Variants in TRPS1 observed in about 807,000 individuals in gnomAD.
The protein encoded by TRPS1 is zinc finger transcription factor Trps1.
TRPS1 carries 6 observed loss-of-function variants against 101.2 expected under a neutral mutation model. The ratio of observed to expected loss-of-function variants is 0.06; its 90% CI spans 0.03 to 0.12. The LOEUF is 0.12. Ranked by LOEUF, TRPS1 falls within the 10% of genes least tolerant of loss-of-function variation. The pLI is 1.00. For synonymous variants in TRPS1, 578 were observed against 589.8 expected (o/e 0.98, Z 0.29); for missense variants, 1,363 against 1,567.0 (o/e 0.87, Z 2.20).
At chr8:115,578,577 T>C (rs1219491935) in intron 5 of TRPS1, among the ~76,000 whole-genome samples, 1 of 152,000 alleles carries the variant, frequency 6.6e-6, no homozygotes, top group African/African-American at 2.4e-5. Flanking sequence ...AAATGAACAT[T>C]GTGGGATGTA....
chr8:115,442,987 CAG>C (rs1813644893), intron 5 of TRPS1, among the ~76,000 whole-genome samples: 3 of 151,540 alleles, frequency 2.0e-5, no homozygotes, highest in Admixed American at 2.0e-4. Flanking sequence ...TCCCAGCTGC[CAG>C]AGAGGCTGAG....
chr8:115,484,659 A>T (rs1057255085), intron 5 of TRPS1, among the ~76,000 whole-genome samples: 1 of 152,162 alleles, frequency 6.6e-6, no homozygotes, highest in African/African-American at 2.4e-5. Context: ...TTTTTCCTGG[A>T]AATCACACCA....
rs376813799 is a variant in TRPS1 at position 115,414,465 on chromosome 8, G to C, written c.3443C>G (p.Pro1148Arg). The change falls in exon 7 of 7, where the codon CCA (proline) becomes CGA (arginine). Residue 1148 changes from proline to arginine, a missense_variant. Pro to Arg is a moderately radical substitution (Grantham distance 103, BLOSUM62 -2). This residue lies in a region of TRPS1 where 307 missense variants were observed against 392.4 expected (regional missense o/e 0.78). Coordinates refer to ENST00000395715, the MANE Select transcript of TRPS1 (RefSeq NM_014112.5). This position sits in a 1 kb window ranked among gnomAD's most constrained non-coding sequence, Gnocchi z 4.8. ...AGGCACATAGTTTTGGCAAGGATTT[G>C]GTAGGCCAGGCACGTGACTCAAGTA... ...PHYLSHVPGL[P>R]NPCQNYVPYP... 9.3e-6 allele frequency: 15 copies of C among 1,613,946 alleles called. No individual in the cohort carries two copies. Among genetic ancestry groups the C allele is most frequent in the Non-Finnish European group, 1.3e-5 (15 of 1,179,946 alleles).
chr8:115,631,926 C>T (rs1265483007), intron 1 of TRPS1, among the ~76,000 whole-genome samples: 4 of 152,012 alleles, frequency 2.6e-5, no homozygotes, highest in Non-Finnish European at 5.9e-5. Context: ...ATGTACAAGT[C>T]GTGAGACATA....
intron 1 of TRPS1, among the ~76,000 whole-genome samples, chr8:115,635,229 T>A (rs1353160131): frequency 6.6e-6 from 1 of 152,200 alleles, no homozygotes; most frequent in African/African-American, 2.4e-5. Context: ...CATTTGTGCA[T>A]CTACCACTTC....
intron 3 of TRPS1, among the ~76,000 whole-genome samples, chr8:115,616,276 T>G (rs1007222925): frequency 2.0e-5 from 3 of 152,230 alleles, no homozygotes; most frequent in Non-Finnish European, 2.9e-5. Context: ...GTGATCTAAT[T>G]TATACAAAAG....
rs1278478895 is a variant in TRPS1, at chr8:115,410,678, G to C, written c.*3345C>G. 1 of 152,486 alleles carries C rather than the reference G, an allele frequency of 6.6e-6. No homozygotes were observed. The highest frequency in any genetic ancestry group is 1.5e-5 in the Non-Finnish European group (1 of 67,994). The allele number at this position is 152,486 out of a possible 1,614,324, so 9.4% of individuals were successfully genotyped here. A position where few individuals can be genotyped will look rare whatever the true frequency, so the allele number is the denominator to read the frequency against. ...TCCCAAACAACAGAATGAATACAGA[G>C]GTGAGTGATGAGAGAAAGAGTGAGA... On this transcript the variant is annotated 3_prime_UTR_variant, in exon 7 of 7. Transcript: ENST00000395715.
At chr8:115,635,260 A>T (rs1818741733) in intron 1 of TRPS1, among the ~76,000 whole-genome samples, 1 of 152,198 alleles carries the variant, frequency 6.6e-6, no homozygotes, top group Non-Finnish European at 1.5e-5. Context: ...AAACTCTGCA[A>T]GCAATTATCC....
chr8:115,502,910 C>A (rs939456991), intron 5 of TRPS1, among the ~76,000 whole-genome samples: 3 of 152,124 alleles, frequency 2.0e-5, no homozygotes, highest in Non-Finnish European at 4.4e-5. Flanking sequence ...TCTTGGTACA[C>A]AACCTACTGA....
At chr8:115,581,854 A>G (rs1041713910) in intron 5 of TRPS1, among the ~76,000 whole-genome samples, 5 of 152,204 alleles carry the variant, frequency 3.3e-5, no homozygotes, top group Admixed American at 6.6e-5. Context: ...TTTAAATCAT[A>G]TATTTTTCAA....
At chr8:115,642,513 T>C (rs1362172562) in intron 1 of TRPS1, among the ~76,000 whole-genome samples, 1 of 152,016 alleles carries the variant, frequency 6.6e-6, no homozygotes, top group Non-Finnish European at 1.5e-5. Context: ...AAAAGAGTAA[T>C]TCTAATCATC....
At chr8:115,656,691 C>G (rs752337051) in intron 1 of TRPS1, among the ~76,000 whole-genome samples, 1 of 152,094 alleles carries the variant, frequency 6.6e-6, no homozygotes, top group Non-Finnish European at 1.5e-5. Flanking sequence ...CCTCTAACTA[C>G]TCCTTAGAAA....
Position 115,603,637 on chromosome 8 carries a change from C to G in TRPS1, c.2096+236G>C, listed in dbSNP as rs111866451. On this transcript the variant is annotated intron_variant, in intron 4 of 6. Transcript: ENST00000395715. ...AAGACAATCAGTAAATGGTATAACACAAGTATGAAACATGAGCATACAGTC... is the reference window on the plus strand; with the variant it reads ...AAGACAATCAGTAAATGGTATAACAGAAGTATGAAACATGAGCATACAGTC... Among the ~76,000 whole-genome samples, 681 of 152,150 alleles carry G rather than the reference C, an allele frequency of 4.5e-3. 1 individual carries two copies. The highest frequency in any genetic ancestry group is 7.2e-3 in the Non-Finnish European group (490 of 67,990).
intron 3 of TRPS1, among the ~76,000 whole-genome samples, chr8:115,608,883 T>A (rs1439147933): frequency 6.8e-6 from 1 of 147,524 alleles, no homozygotes; most frequent in African/African-American, 2.7e-5. Context: ...TCTCAGTCTG[T>A]CACCCAGGCT....
intron 5 of TRPS1, among the ~76,000 whole-genome samples, chr8:115,545,596 C>T (rs1300327523): frequency 6.6e-6 from 1 of 151,978 alleles, no homozygotes; most frequent in Non-Finnish European, 1.5e-5. Context: ...TAAGGCCAAA[C>T]TAAAAACAAA....
intron 1 of TRPS1, among the ~76,000 whole-genome samples, chr8:115,657,541 C>A (rs1811702608): frequency 6.6e-6 from 1 of 152,066 alleles, no homozygotes; most frequent in African/African-American, 2.4e-5. Context: ...TGGCATTGTA[C>A]CTCTTGGGAA....
chr8:115,560,113 T>G (rs1333278347), intron 5 of TRPS1, among the ~76,000 whole-genome samples: 2 of 152,094 alleles, frequency 1.3e-5, no homozygotes, highest in Non-Finnish European at 2.9e-5. Flanking sequence ...GTTTGTTTGT[T>G]TTCAAAGTAG....
At chr8:115,612,574 A>G (rs1204890439) in intron 3 of TRPS1, among the ~76,000 whole-genome samples, 1 of 152,220 alleles carries the variant, frequency 6.6e-6, no homozygotes, top group African/African-American at 2.4e-5. Flanking sequence ...TGAAGTGCCA[A>G]TGAATTCCAA....
intron 5 of TRPS1, among the ~76,000 whole-genome samples, chr8:115,444,266 C>T (rs1344080117): frequency 6.6e-6 from 1 of 151,684 alleles, no homozygotes; most frequent in East Asian, 1.9e-4. Flanking sequence ...TTCTTACCAT[C>T]ATGTCTGGTG....
Sources: allele counts gnomAD v4.1 joint callset (sites outside exome capture counted in the v4.1 genomes callset), GRCh38; gene constraint gnomAD v4.1.1; regional missense constraint gnomAD v4.1.1; non-coding constraint Gnocchi (gnomAD v3.1); transcripts MANE v1.5; gene names NCBI Gene and HGNC (gene_info 2026-07-23, HGNC 2026-07-21).